The following FOXP1 variants were observed in gnomAD, a reference collection of about 807,000 sequenced individuals.
FOXP1 encodes forkhead box P1.
Under a neutral mutation model 98.2 loss-of-function variants are expected in FOXP1, and 15 were observed. The ratio of observed to expected loss-of-function variants is 0.15; its 90% CI spans 0.10 to 0.24. The LOEUF is 0.24. Among genes scored for constraint, FOXP1 ranks in the 10% least tolerant of loss-of-function variants. FOXP1 has a pLI of 1.00. For missense variants in FOXP1, 633 were observed against 848.5 expected, an observed-to-expected ratio of 0.75 and a Z score of 3.15; for synonymous variants, 371 against 314.5, an observed-to-expected ratio of 1.18 and a Z score of -1.90.
At chr3:71,271,607 A>T (rs952801606) in intron 5 of FOXP1, among the ~76,000 whole-genome samples, 1 of 152,234 alleles carries the variant, frequency 6.6e-6, no homozygotes, top group African/African-American at 2.4e-5. Context: ...CTTTGATAAA[A>T]GAACCACACG....
intron 4 of FOXP1, among the ~76,000 whole-genome samples, 167 bp downstream of exon 4, chr3:71,358,983 T>C (rs1414786457): frequency 1.3e-5 from 2 of 152,110 alleles, no homozygotes; most frequent in Admixed American, 6.6e-5. Context: ...CATAAAGCTA[T>C]CATGGGGGGT....
chr3:71,315,096 A>G (rs1430229151), intron 4 of FOXP1, among the ~76,000 whole-genome samples: 4 of 141,816 alleles, frequency 2.8e-5, no homozygotes, highest in African/African-American at 7.8e-5. Context: ...AAAAAAAAAA[A>G]AAAAAAAAAA....
At chr3:71,515,433 CAAA>C (rs35322006) in intron 2 of FOXP1, among the ~76,000 whole-genome samples, 16 of 96,948 alleles carry the variant, frequency 1.7e-4, no homozygotes, top group African/African-American at 3.5e-4. Context: ...ATTTACACAG[CAAA>C]AAAAAAAAAA....
chr3:71,439,545 G>C (rs1387313700), intron 3 of FOXP1, among the ~76,000 whole-genome samples: 1 of 152,172 alleles, frequency 6.6e-6, no homozygotes, highest in Non-Finnish European at 1.5e-5. Flanking sequence ...CATGTTCATG[G>C]CACTATTATT....
At chr3:71,198,059 T>C in intron 6 of FOXP1, 143 bp downstream of exon 6, 1 of 1,613,582 alleles carries the variant, frequency 6.2e-7, no homozygotes, top group East Asian at 2.2e-5. Context: ...TGATGGTTTA[T>C]GAGATGCCAC....
chr3:71,066,313 T>G (rs1421448408), intron 7 of FOXP1, among the ~76,000 whole-genome samples: 1 of 152,314 alleles, frequency 6.6e-6, no homozygotes, highest in East Asian at 1.9e-4. Context: ...AAGCGCGAAG[T>G]GACCATCAAA....
At chr3:71,140,950 A>G (rs1322929595) in intron 6 of FOXP1, among the ~76,000 whole-genome samples, 1 of 151,750 alleles carries the variant, frequency 6.6e-6, no homozygotes, top group Non-Finnish European at 1.5e-5. Flanking sequence ...TTGGTCTCCA[A>G]GAAAAAAAAA....
chr3:71,460,809 T>A (rs1466528245), intron 3 of FOXP1, among the ~76,000 whole-genome samples: 1 of 152,174 alleles, frequency 6.6e-6, no homozygotes, highest in Non-Finnish European at 1.5e-5. Context: ...GCTGAGAGAA[T>A]TCATCATTCT....
intron 5 of FOXP1, among the ~76,000 whole-genome samples, chr3:71,294,466 G>C (rs1469789573): frequency 6.6e-6 from 1 of 151,992 alleles, no homozygotes; most frequent in South Asian, 2.1e-4. Flanking sequence ...CATCAGCATC[G>C]TCATTCATGT....
intron 5 of FOXP1, among the ~76,000 whole-genome samples, chr3:71,257,764 T>C (rs534688652): frequency 2.0e-5 from 3 of 152,150 alleles, no homozygotes; most frequent in South Asian, 2.1e-4. Context: ...TTCTCAGGCA[T>C]TGTGGTGAAA....
intron 4 of FOXP1, chr3:71,304,725 CCTCA>C (rs1308435911): frequency 6.6e-6 from 1 of 152,112 alleles, no homozygotes; most frequent in Non-Finnish European, 1.5e-5. Flanking sequence ...CCTTCAGCAG[CCTCA>C]CTGTTAATAA....
intron 5 of FOXP1, among the ~76,000 whole-genome samples, chr3:71,235,098 A>G (rs1039083586): frequency 1.3e-5 from 2 of 148,802 alleles, no homozygotes; most frequent in African/African-American, 5.0e-5. Flanking sequence ...CCATGTGCTC[A>G]TTCCAGTGAA....
At chr3:71,159,186 G>C (rs889727042) in intron 6 of FOXP1, among the ~76,000 whole-genome samples, 2 of 150,964 alleles carry the variant, frequency 1.3e-5, no homozygotes, top group Non-Finnish European at 2.9e-5. Context: ...CAGAAACTGA[G>C]AGTAATGTAT....
At chr3:71,315,296 C>T (rs1259541737) in intron 4 of FOXP1, among the ~76,000 whole-genome samples, 1 of 151,982 alleles carries the variant, frequency 6.6e-6, no homozygotes, top group African/African-American at 2.4e-5. Flanking sequence ...TTATCAGCAA[C>T]AGAAATTAAT....
intron 12 of FOXP1, among the ~76,000 whole-genome samples, chr3:71,002,505 C>T (rs1311916413): frequency 6.6e-6 from 1 of 152,174 alleles, no homozygotes; most frequent in Non-Finnish European, 1.5e-5. Flanking sequence ...TAAGCAGTTT[C>T]ACATGCTGCT....
At chr3:71,321,511 C>T (rs1342702261) in intron 4 of FOXP1, among the ~76,000 whole-genome samples, 1 of 152,176 alleles carries the variant, frequency 6.6e-6, no homozygotes, top group Non-Finnish European at 1.5e-5. Flanking sequence ...TAGACATTTT[C>T]TCTGGGGTTC....
chr3:71,293,180 A>T (rs373954625), intron 5 of FOXP1, among the ~76,000 whole-genome samples: 3 of 152,210 alleles, frequency 2.0e-5, no homozygotes, highest in Admixed American at 2.0e-4. Flanking sequence ...GAAAGGCTCT[A>T]TTTCCTACAT....
chr3:71,052,792 T>C (rs1055733505), intron 8 of FOXP1, among the ~76,000 whole-genome samples, 166 bp from the exon 9 acceptor site: 1 of 152,238 alleles, frequency 6.6e-6, no homozygotes, highest in African/African-American at 2.4e-5. Flanking sequence ...CTGACTATTC[T>C]TGGCATTATT....
At chr3:71,267,045 T>A (rs76517222) in intron 5 of FOXP1, among the ~76,000 whole-genome samples, 1 of 152,114 alleles carries the variant, frequency 6.6e-6, no homozygotes, top group South Asian at 2.1e-4. Flanking sequence ...TTGGGCCACA[T>A]CACCTCAATA....
Sources: allele counts gnomAD v4.1 joint callset (sites outside exome capture counted in the v4.1 genomes callset), GRCh38; gene constraint gnomAD v4.1.1; transcripts MANE v1.5; gene names NCBI Gene and HGNC (gene_info 2026-07-23, HGNC 2026-07-21).